Variants in EXOC4 observed in about 807,000 individuals in gnomAD.
The protein encoded by EXOC4 is SEC8-like 1.
EXOC4 carries 71 observed loss-of-function variants against 107.2 expected under a neutral mutation model. The ratio of observed to expected loss-of-function variants is 0.66; its 90% CI spans 0.55 to 0.81. The LOEUF (loss-of-function observed/expected upper bound fraction) is 0.81, where lower values mean the gene tolerates loss of function less well. Among genes scored for constraint, EXOC4 ranks in the 30% least tolerant of loss-of-function variants. The pLI, the probability that EXOC4 is intolerant of heterozygous loss-of-function variation, is 0.00. For synonymous variants in EXOC4, 456 were observed against 441.2 expected, an observed-to-expected ratio of 1.03 and a Z score of -0.42; for missense variants, 1,108 against 1,189.6, an observed-to-expected ratio of 0.93 and a Z score of 1.01.
chr7:133,493,808 G>A (rs1431105574), intron 9 of EXOC4, among the ~76,000 whole-genome samples: 2 of 152,058 alleles, frequency 1.3e-5, no homozygotes, highest in African/African-American at 2.4e-5. Context: ...TAACTAAGAG[G>A]GCCACACTTG....
intron 9 of EXOC4, among the ~76,000 whole-genome samples, chr7:133,492,097 T>A (rs570422204): frequency 6.6e-6 from 1 of 152,310 alleles, no homozygotes; most frequent in South Asian, 2.1e-4. Flanking sequence ...AGTCGCATAA[T>A]GAAATGTGCA....
Position 133,823,823 on chromosome 7 carries a change from TAC to T in EXOC4, c.1734+6281_1734+6282del, listed in dbSNP as rs1413949315. On this transcript the variant is annotated intron_variant, in intron 11 of 17. Transcript: ENST00000253861. Reference sequence around the variant, plus strand: ...AAAGCAAGACTGTCTCAAAAATACATACATATATATATATATATATTATATAT... The same window carrying T: ...AAAGCAAGACTGTCTCAAAAATACATATATATATATATATATATTATATAT... 5.1e-3 allele frequency among the ~76,000 whole-genome samples: 275 copies of T among 53,540 alleles called. 10 individuals are homozygous for T. Among genetic ancestry groups the T allele is most frequent in the African/African-American group, 0.021 (262 of 12,270 alleles). 35.1% of individuals were successfully genotyped at this position (53,540 alleles called of 152,430 possible).
intron 14 of EXOC4, among the ~76,000 whole-genome samples, chr7:133,943,359 T>G (rs1018200045): frequency 6.6e-6 from 1 of 152,190 alleles, no homozygotes; most frequent in Non-Finnish European, 1.5e-5. Context: ...TTATCAAAAT[T>G]TCTCCTATTG....
chr7:133,809,595 A>C (rs1477119561), intron 10 of EXOC4, among the ~76,000 whole-genome samples: 1 of 152,238 alleles, frequency 6.6e-6, no homozygotes, highest in Non-Finnish European at 1.5e-5. Flanking sequence ...AAAATGCAGA[A>C]GTCATAAAGG....
chr7:133,814,784 C>T (rs1797325955), intron 10 of EXOC4, among the ~76,000 whole-genome samples: 1 of 152,048 alleles, frequency 6.6e-6, no homozygotes. Flanking sequence ...TGAAAAATTT[C>T]TTCTAATGTT....
chr7:134,027,044 G>T (rs1053647520), intron 17 of EXOC4, among the ~76,000 whole-genome samples: 1 of 152,038 alleles, frequency 6.6e-6, no homozygotes, highest in Non-Finnish European at 1.5e-5. Context: ...GTGATTAAGG[G>T]GGGGGATTCA....
intron 10 of EXOC4, among the ~76,000 whole-genome samples, chr7:133,692,412 C>A (rs1172943232): frequency 3.3e-5 from 5 of 152,224 alleles, no homozygotes; most frequent in Non-Finnish European, 5.9e-5. Flanking sequence ...TCTCCCCTAA[C>A]TGAGCTCAGA....
At chr7:133,324,387 T>A (rs1258303421) in intron 5 of EXOC4, among the ~76,000 whole-genome samples, 2 of 152,248 alleles carry the variant, frequency 1.3e-5, no homozygotes, top group Non-Finnish European at 2.9e-5. Flanking sequence ...TTTAAATGTG[T>A]CCCAGATATT....
intron 9 of EXOC4, among the ~76,000 whole-genome samples, chr7:133,624,037 TTTA>T (rs1452289717): frequency 6.6e-6 from 1 of 152,200 alleles, no homozygotes; most frequent in Admixed American, 6.5e-5. Flanking sequence ...GAGTTCCATA[TTTA>T]TTATACTGTA....
chr7:133,493,275 C>T (rs1308702625), intron 9 of EXOC4, among the ~76,000 whole-genome samples: 1 of 152,010 alleles, frequency 6.6e-6, no homozygotes, highest in African/African-American at 2.4e-5. Context: ...AAATACTGAA[C>T]TCTACTAAAA....
At chr7:134,083,403 C>A in the EXOC4 span, among the ~76,000 whole-genome samples, 21 of 152,364 alleles carry the variant, frequency 1.4e-4, no homozygotes, top group African/African-American at 3.6e-4. Flanking sequence ...GCATAACAAA[C>A]TAATCCAAGA....
At chr7:133,264,389 G>A (rs968163758) in intron 1 of EXOC4, among the ~76,000 whole-genome samples, 9 of 152,100 alleles carry the variant, frequency 5.9e-5, no homozygotes, top group African/African-American at 2.2e-4. Flanking sequence ...ACATCTCTTT[G>A]TATTGTTAGG....
At chr7:133,634,586 T>C (rs1366272793) in intron 10 of EXOC4, among the ~76,000 whole-genome samples, 2 of 152,060 alleles carry the variant, frequency 1.3e-5, no homozygotes, top group East Asian at 3.9e-4. Flanking sequence ...GCCTCCTGGG[T>C]TTAAGCAATT....
intron 7 of EXOC4, among the ~76,000 whole-genome samples, chr7:133,463,755 C>G (rs545972901): frequency 6.6e-6 from 1 of 151,922 alleles, no homozygotes; most frequent in Non-Finnish European, 1.5e-5. Context: ...TAGCAGAAGC[C>G]TGGATTTAGT....
Position 133,424,060 on chromosome 7 carries a change from GTAAAATGGACCAATCAGCTC to G in EXOC4, c.1182+49060_1182+49079del, listed in dbSNP as rs1301894269. On this transcript the variant is annotated intron_variant, in intron 7 of 17. Transcript: ENST00000253861. ...GTCAAAATGGACCAGTCAGCTCTCT[GTAAAATGGACCAATCAGCTC>G]TCTGTAAAATGGACCAATCAGTAGG... is the stretch of plus-strand genomic sequence containing the variant. 4.3e-4 allele frequency among the ~76,000 whole-genome samples: 65 copies of G among 152,112 alleles called. 1 individual carries two copies. The highest frequency in any genetic ancestry group is 2.2e-4 in the Non-Finnish European group (15 of 68,028).
At chr7:133,607,511 A>C (rs952059525) in intron 9 of EXOC4, among the ~76,000 whole-genome samples, 2 of 152,242 alleles carry the variant, frequency 1.3e-5, no homozygotes, top group Non-Finnish European at 2.9e-5. Flanking sequence ...CATTATCTGC[A>C]TAACAATATT....
chr7:133,432,058 GAGATAC>G (rs1797868223), intron 7 of EXOC4, among the ~76,000 whole-genome samples: 1 of 152,072 alleles, frequency 6.6e-6, no homozygotes, highest in South Asian at 2.1e-4. Flanking sequence ...GTATCTGTGA[GAGATAC>G]CCTAGGGAGG....
chr7:133,889,496 T>C (rs916048360), intron 11 of EXOC4, among the ~76,000 whole-genome samples: 1 of 147,784 alleles, frequency 6.8e-6, no homozygotes, highest in African/African-American at 2.5e-5. Context: ...TATGTATACA[T>C]GTGCCATGCT....
intron 13 of EXOC4, among the ~76,000 whole-genome samples, chr7:133,923,190 G>A (rs191751695): frequency 1.6e-4 from 24 of 146,796 alleles, no homozygotes; most frequent in Admixed American, 1.5e-3. Context: ...GCGTAGTGGT[G>A]CAATCTCAGC....
Sources: gnomAD v4.1 joint callset for allele counts (sites outside exome capture counted in the v4.1 genomes callset) on GRCh38, gnomAD v4.1.1 for gene constraint, MANE v1.5 for transcripts, NCBI Gene and HGNC (gene_info 2026-07-23, HGNC 2026-07-21) for gene names.